MECOM: variants seen among roughly 807,000 people sequenced by gnomAD.
MECOM encodes the protein MDS1 and EVI1 complex locus.
In MECOM, 13 loss-of-function variants were observed where a neutral mutation model predicts 116.3. That is an observed-to-expected ratio of 0.11 (90% CI 0.07 to 0.18). The LOEUF (loss-of-function observed/expected upper bound fraction) is 0.18. Among genes scored for constraint, MECOM ranks in the 10% least tolerant of loss-of-function variants. The pLI is 1.00. For synonymous variants in MECOM, 528 were observed against 535.2 expected, an observed-to-expected ratio of 0.99 and a Z score of 0.19; for missense variants, 1,299 against 1,509.0, an observed-to-expected ratio of 0.86 and a Z score of 2.31.
Position 169,180,143 on chromosome 3 carries a change from C to A in MECOM, c.376-36311G>T, listed in dbSNP as rs149523667. 2.8e-3 allele frequency among the ~76,000 whole-genome samples: 424 copies of A among 152,330 alleles called. 2 individuals are homozygous for A. Among genetic ancestry groups the A allele is most frequent in the African/African-American group, 9.8e-3 (408 of 41,576 alleles). On this transcript the variant is annotated intron_variant, in intron 2 of 16. Coordinates refer to ENST00000651503, the MANE Select transcript of MECOM (RefSeq NM_004991.4). ...AAACTAAAAAGGCAATTATTTTCCTCTCTTTCCTATCTATAATACCTTAAA... is the reference window on the plus strand; with the variant it reads ...AAACTAAAAAGGCAATTATTTTCCTATCTTTCCTATCTATAATACCTTAAA...
At chr3:169,109,921 G>A (rs1372316383) in intron 9 of MECOM, among the ~76,000 whole-genome samples, 1 of 152,100 alleles carries the variant, frequency 6.6e-6, no homozygotes, top group Non-Finnish European at 1.5e-5. Context: ...CTTGCCCAGA[G>A]AATACCACTA....
At chr3:169,562,162 AGGAAAGAAAGAAAG>A (rs1762725597) in intron 1 of MECOM, among the ~76,000 whole-genome samples, 1 of 128,476 alleles carries the variant, frequency 7.8e-6, no homozygotes, top group Non-Finnish European at 1.6e-5. Context: ...AAAAAAAAAA[AGGAAAGAAAGAAAG>A]AAAAAAAAAA....
chr3:169,643,306 A>G (rs941569014), intron 1 of MECOM, among the ~76,000 whole-genome samples: 1 of 152,212 alleles, frequency 6.6e-6, no homozygotes, highest in African/African-American at 2.4e-5. Flanking sequence ...TTCTTTTCAC[A>G]TAACTATTAA....
chr3:169,087,851 C>T (rs1718333549), intron 16 of MECOM, among the ~76,000 whole-genome samples: 1 of 152,162 alleles, frequency 6.6e-6, no homozygotes, highest in South Asian at 2.1e-4. Context: ...TACCTATAGT[C>T]TTTAAGTGAT....
At chr3:169,168,877 T>C (rs186070619) in intron 2 of MECOM, among the ~76,000 whole-genome samples, 33 of 151,840 alleles carry the variant, frequency 2.2e-4, no homozygotes, top group African/African-American at 7.7e-4. Context: ...ATTTATAATT[T>C]AGAATAGGTT....
intron 1 of MECOM, among the ~76,000 whole-genome samples, chr3:169,458,940 T>G (rs1746974422): frequency 1.3e-5 from 2 of 152,222 alleles, no homozygotes; most frequent in African/African-American, 2.4e-5. Context: ...AGCTCCAGCA[T>G]GTTCACACCT....
At chr3:169,378,283 G>T (rs920482486) in intron 2 of MECOM, among the ~76,000 whole-genome samples, 4 of 149,516 alleles carry the variant, frequency 2.7e-5, no homozygotes, top group African/African-American at 7.4e-5. Flanking sequence ...TAACAAACCT[G>T]CATGTTCTGC....
intron 1 of MECOM, among the ~76,000 whole-genome samples, chr3:169,419,757 T>G (rs1739389736): frequency 6.6e-6 from 1 of 152,040 alleles, no homozygotes; most frequent in Non-Finnish European, 1.5e-5. Flanking sequence ...AATTGACAAA[T>G]GGAATTTAAT....
intron 1 of MECOM, among the ~76,000 whole-genome samples, chr3:169,576,087 C>T (rs1764465203): frequency 6.6e-6 from 1 of 152,124 alleles, no homozygotes; most frequent in Admixed American, 6.6e-5. Context: ...TTTGTGCTGA[C>T]AGAGCCACAT....
At chr3:169,615,297 C>T (rs1769861888) in intron 1 of MECOM, among the ~76,000 whole-genome samples, 1 of 152,216 alleles carries the variant, frequency 6.6e-6, no homozygotes, top group South Asian at 2.1e-4. Flanking sequence ...GTATCACCCA[C>T]AGGGGCTGAG....
chr3:169,634,584 A>G (rs1390453304), intron 1 of MECOM, among the ~76,000 whole-genome samples: 4 of 152,138 alleles, frequency 2.6e-5, no homozygotes. Context: ...TCTCTCTCTC[A>G]AACATCAATG....
intron 2 of MECOM, among the ~76,000 whole-genome samples, chr3:169,310,644 T>C (rs1051069000): frequency 1.3e-5 from 2 of 152,230 alleles, no homozygotes; most frequent in Non-Finnish European, 2.9e-5. Flanking sequence ...GGCTCTTCTG[T>C]ATTTGTTTCA....
chr3:169,485,970 A>ATATACATATATATACTATATATG (rs1560340749), intron 1 of MECOM, among the ~76,000 whole-genome samples: 1 of 97,756 alleles, frequency 1.0e-5, no homozygotes, highest in East Asian at 3.5e-4. Context: ...TATACTATAT[A>ATATACATATATATACTATATATG]TACATATATA....
At chr3:169,605,195 T>G (rs958686010) in intron 1 of MECOM, among the ~76,000 whole-genome samples, 11 of 152,146 alleles carry the variant, frequency 7.2e-5, no homozygotes, top group Non-Finnish European at 1.3e-4. Flanking sequence ...TGATATATAC[T>G]GCCTCCCAAG....
At chr3:169,374,844 G>A (rs545503836) in intron 2 of MECOM, among the ~76,000 whole-genome samples, 27 of 151,924 alleles carry the variant, frequency 1.8e-4, no homozygotes, top group Admixed American at 1.2e-3. Context: ...ACCAGCCTGG[G>A]CAACATAATG....
rs76345116 is a variant in MECOM, at chr3:169,479,002, T to G, written c.38-97478A>C. Among the ~76,000 whole-genome samples the G allele has an allele frequency of 0.014, 2,168 of 152,296 alleles. 162 individuals are homozygous for G. The East Asian group carries it at 0.24, about 17-fold the overall frequency. On this transcript the variant is annotated intron_variant, in intron 1 of 16. Coordinates refer to ENST00000651503, the MANE Select transcript of MECOM (RefSeq NM_004991.4). ...CACCAAAATATTTGTTGATCACCTATTATGTACCAGGCATAGAACTGAATG... is the reference window on the plus strand; with the variant it reads ...CACCAAAATATTTGTTGATCACCTAGTATGTACCAGGCATAGAACTGAATG...
chr3:169,380,266 T>C (rs1732177738), intron 2 of MECOM, among the ~76,000 whole-genome samples: 1 of 152,134 alleles, frequency 6.6e-6, no homozygotes, highest in African/African-American at 2.4e-5. Context: ...GTCAATCACA[T>C]CTCTAAAAAA....
At chr3:169,659,072 C>CA (rs199570807) in intron 1 of MECOM, among the ~76,000 whole-genome samples, 12,739 of 83,252 alleles carry the variant, frequency 0.15, 723 homozygotes, top group Admixed American at 0.18. Flanking sequence ...CCTTCAACTC[C>CA]AAAAAAAAAA....
chr3:169,632,970 T>A (rs1002820425), intron 1 of MECOM, among the ~76,000 whole-genome samples: 1 of 152,218 alleles, frequency 6.6e-6, no homozygotes, highest in African/African-American at 2.4e-5. Flanking sequence ...ACAAATGCTA[T>A]GCACTAAAGG....
Sources: gnomAD v4.1 joint callset for allele counts (sites outside exome capture counted in the v4.1 genomes callset) on GRCh38, gnomAD v4.1.1 for gene constraint, MANE v1.5 for transcripts, NCBI Gene and HGNC (gene_info 2026-07-23, HGNC 2026-07-21) for gene names.